MARCHF1: variants seen among roughly 807,000 people sequenced by gnomAD.
MARCHF1 encodes membrane associated ring-CH-type finger 1.
Under a neutral mutation model 54.2 loss-of-function variants are expected in MARCHF1, and 40 were observed. The ratio of observed to expected loss-of-function variants is 0.74; its 90% CI spans 0.57 to 0.96. MARCHF1 has a LOEUF of 0.96. Ranked by LOEUF, MARCHF1 falls within the 40% of genes least tolerant of loss-of-function variation. The pLI is 0.00. For missense variants in MARCHF1, 586 were observed against 656.5 expected, an observed-to-expected ratio of 0.89 and a Z score of 1.17; for synonymous variants, 236 against 236.3, an observed-to-expected ratio of 1.00 and a Z score of 0.01.
chr4:163,579,954 C>T lies in MARCHF1; in HGVS notation c.1191+5795G>A, dbSNP rs556273555. 5.3e-5 allele frequency among the ~76,000 whole-genome samples: 8 copies of T among 152,204 alleles called. No individual in the cohort carries two copies. In the East Asian group the frequency reaches 1.5e-3, roughly 29 times the overall value. On this transcript the variant is annotated intron_variant, in intron 8 of 9. Transcript: ENST00000514618. ...TAATTAAAAAGAATGCCAAAGAGAA[C>T]TCAAAGAACCATAGAATGATTTCAG...
At chr4:164,167,622 C>A (rs1730415830) in intron 1 of MARCHF1, among the ~76,000 whole-genome samples, 1 of 151,654 alleles carries the variant, frequency 6.6e-6, no homozygotes, top group Non-Finnish European at 1.5e-5. Flanking sequence ...GAAATAGATT[C>A]AAACATATAA....
chr4:163,721,341 G>T (rs1383739603), intron 4 of MARCHF1, among the ~76,000 whole-genome samples: 1 of 152,038 alleles, frequency 6.6e-6, no homozygotes, highest in South Asian at 2.1e-4. Context: ...TTATTGATTT[G>T]CATATGTTGA....
chr4:163,808,820 C>T (rs534801505), intron 4 of MARCHF1, among the ~76,000 whole-genome samples: 2 of 152,256 alleles, frequency 1.3e-5, no homozygotes, highest in African/African-American at 4.8e-5. Flanking sequence ...CCACTCACCT[C>T]GGCCTCCCAA....
intron 1 of MARCHF1, among the ~76,000 whole-genome samples, chr4:164,133,636 T>G (rs924320074): frequency 1.3e-5 from 2 of 152,230 alleles, no homozygotes; most frequent in Non-Finnish European, 2.9e-5. Flanking sequence ...TAGTTATTGG[T>G]AACTTTACCA....
At chr4:163,602,426 G>A (rs973732680) in intron 7 of MARCHF1, among the ~76,000 whole-genome samples, 1 of 152,026 alleles carries the variant, frequency 6.6e-6, no homozygotes, top group Non-Finnish European at 1.5e-5. Context: ...TAAATAGAGA[G>A]CCATTTTACC....
intron 2 of MARCHF1, among the ~76,000 whole-genome samples, chr4:164,043,506 C>T (rs1754172887): frequency 6.6e-6 from 1 of 152,044 alleles, no homozygotes; most frequent in South Asian, 2.1e-4. Context: ...AGCAGCTGGA[C>T]CCTCAGCCTG....
intron 1 of MARCHF1, among the ~76,000 whole-genome samples, chr4:164,357,585 C>G (rs1016255441): frequency 6.6e-6 from 1 of 152,090 alleles, no homozygotes; most frequent in Non-Finnish European, 1.5e-5. Context: ...CTACCACACC[C>G]ATGTAAGATA....
chr4:164,008,297 T>A (rs150386711), intron 2 of MARCHF1, among the ~76,000 whole-genome samples: 8 of 152,112 alleles, frequency 5.3e-5, no homozygotes, highest in African/African-American at 1.9e-4. Flanking sequence ...GTCATAAATA[T>A]GTGTGCACTC....
intron 4 of MARCHF1, among the ~76,000 whole-genome samples, chr4:163,757,929 T>C (rs1021459422): frequency 3.9e-5 from 6 of 152,174 alleles, no homozygotes; most frequent in Admixed American, 2.6e-4. Flanking sequence ...CAAAATGATA[T>C]TTCAGAGTAA....
intron 4 of MARCHF1, among the ~76,000 whole-genome samples, chr4:163,783,673 T>G (rs1333309813): frequency 1.3e-5 from 2 of 152,230 alleles, no homozygotes; most frequent in Non-Finnish European, 2.9e-5. Context: ...TAAAATAGTT[T>G]TGTGTGACAA....
chr4:164,173,009 G>A (rs1432045003), intron 1 of MARCHF1, among the ~76,000 whole-genome samples: 1 of 147,404 alleles, frequency 6.8e-6, no homozygotes, highest in African/African-American at 2.5e-5. Context: ...CACTGTAATA[G>A]TTACTTCACA....
At chr4:164,090,438 C>T (rs1755274328) in intron 2 of MARCHF1, among the ~76,000 whole-genome samples, 1 of 151,884 alleles carries the variant, frequency 6.6e-6, no homozygotes, top group Non-Finnish European at 1.5e-5. Flanking sequence ...AATTTTGAAA[C>T]AACACTATTC....
chr4:164,071,134 TATAGTAATATAAAA>T (rs771524616), intron 2 of MARCHF1, among the ~76,000 whole-genome samples: 3 of 152,168 alleles, frequency 2.0e-5, no homozygotes, highest in Non-Finnish European at 4.4e-5. Context: ...AACAAACTAA[TATAGTAATATAAAA>T]ATCTGTTTGA....
intron 3 of MARCHF1, among the ~76,000 whole-genome samples, chr4:163,973,012 T>C (rs1752580393): frequency 6.6e-6 from 1 of 152,228 alleles, no homozygotes; most frequent in Admixed American, 6.5e-5. Flanking sequence ...ATGATTTCTA[T>C]ATGTAAATGT....
intron 7 of MARCHF1, among the ~76,000 whole-genome samples, chr4:163,606,272 A>C (rs931332846): frequency 6.6e-6 from 1 of 152,020 alleles, no homozygotes; most frequent in Non-Finnish European, 1.5e-5. Flanking sequence ...TATTGTCTCC[A>C]TGTTTTCTGC....
chr4:164,058,984 T>C (rs1386154393), intron 2 of MARCHF1, among the ~76,000 whole-genome samples: 1 of 152,224 alleles, frequency 6.6e-6, no homozygotes, highest in Non-Finnish European at 1.5e-5. Context: ...TGGCTTGGCA[T>C]AGAAATTTTT....
At chr4:163,549,978 T>C (rs1054032221) in intron 8 of MARCHF1, among the ~76,000 whole-genome samples, 1 of 152,230 alleles carries the variant, frequency 6.6e-6, no homozygotes, top group African/African-American at 2.4e-5. Flanking sequence ...AAAGGCAGTT[T>C]ATTTGTATAA....
At chr4:164,334,126 A>G (rs570228334) in intron 1 of MARCHF1, among the ~76,000 whole-genome samples, 27 of 152,358 alleles carry the variant, frequency 1.8e-4, no homozygotes, top group African/African-American at 6.0e-4. Context: ...TGAAGCACCA[A>G]GTACTGATAT....
chr4:164,328,793 G>C (rs1481485462), intron 1 of MARCHF1, among the ~76,000 whole-genome samples: 1 of 152,132 alleles, frequency 6.6e-6, no homozygotes, highest in Non-Finnish European at 1.5e-5. Context: ...GCCCCCTAAA[G>C]TGCTGGGATT....
Sources: allele counts gnomAD v4.1 joint callset (sites outside exome capture counted in the v4.1 genomes callset), GRCh38; gene constraint gnomAD v4.1.1; transcripts MANE v1.5; gene names NCBI Gene and HGNC (gene_info 2026-07-23, HGNC 2026-07-21).